The following PTPRD variants were observed in gnomAD, a reference collection of about 807,000 sequenced individuals.
The protein encoded by PTPRD is protein tyrosine phosphatase receptor type D, also known as receptor-type tyrosine-protein phosphatase delta.
A neutral mutation model predicts 214.5 loss-of-function variants in PTPRD; 34 were observed. That is an observed-to-expected ratio of 0.16 (90% CI 0.12 to 0.21). The LOEUF is 0.21. Among genes scored for constraint, PTPRD ranks in the 10% least tolerant of loss-of-function variants. PTPRD has a pLI of 1.00. For missense variants in PTPRD, 2,545 were observed against 2,398.7 expected (o/e 1.06, Z -1.27); for synonymous variants, 1,128 against 845.7 (o/e 1.33, Z -5.79).
intron 5 of PTPRD, among the ~76,000 whole-genome samples, chr9:9,777,092 C>G (rs570156037): frequency 2.0e-5 from 3 of 152,230 alleles, no homozygotes; most frequent in African/African-American, 7.2e-5. Flanking sequence ...AACAGATATG[C>G]TAGTTGTTAT....
At chr9:8,740,719 C>A (rs1457174021) in intron 11 of PTPRD, among the ~76,000 whole-genome samples, 1 of 151,776 alleles carries the variant, frequency 6.6e-6, no homozygotes, top group Non-Finnish European at 1.5e-5. Context: ...TCTGTTTTGC[C>A]CTAAACATGT....
intron 3 of PTPRD, among the ~76,000 whole-genome samples, chr9:10,247,510 T>A (rs887227687): frequency 6.6e-6 from 1 of 152,212 alleles, no homozygotes; most frequent in African/African-American, 2.4e-5. Context: ...ATTACCATAT[T>A]CTCTAAATAC....
intron 3 of PTPRD, among the ~76,000 whole-genome samples, chr9:10,079,975 C>G (rs184522152): frequency 1.2e-4 from 18 of 150,954 alleles, no homozygotes; most frequent in African/African-American, 4.4e-4. Flanking sequence ...AACCCCTTCC[C>G]AACACATGTC....
chr9:9,849,576 T>A (rs890976276), intron 5 of PTPRD, among the ~76,000 whole-genome samples: 36 of 152,086 alleles, frequency 2.4e-4, no homozygotes, highest in African/African-American at 7.5e-4. Flanking sequence ...ATTTCCAGGA[T>A]TAACATAATG....
At chr9:9,275,978 A>AAC (rs532734631) in intron 9 of PTPRD, among the ~76,000 whole-genome samples, 128 of 151,440 alleles carry the variant, frequency 8.5e-4, no homozygotes, top group African/African-American at 2.9e-3. Context: ...TGGAGAAGAG[A>AAC]ACACCTCAAC....
intron 11 of PTPRD, among the ~76,000 whole-genome samples, chr9:8,735,000 T>C (rs76332810): frequency 6.6e-6 from 1 of 152,096 alleles, no homozygotes; most frequent in Non-Finnish European, 1.5e-5. Context: ...TTGGTTGGAA[T>C]AGGGCCTCCC....
chr9:8,566,569 A>G (rs1164843190), intron 14 of PTPRD, among the ~76,000 whole-genome samples: 1 of 152,176 alleles, frequency 6.6e-6, no homozygotes, highest in African/African-American at 2.4e-5. Flanking sequence ...GCAAGAGTTG[A>G]AGGAACAGAT....
At chr9:10,554,427 G>C (rs2062014897) in intron 2 of PTPRD, among the ~76,000 whole-genome samples, 1 of 151,958 alleles carries the variant, frequency 6.6e-6, no homozygotes, top group Non-Finnish European at 1.5e-5. Flanking sequence ...AACATACTTA[G>C]AAACTTTCAG....
intron 2 of PTPRD, among the ~76,000 whole-genome samples, chr9:10,380,845 A>C (rs573815616): frequency 9.2e-5 from 14 of 152,120 alleles, no homozygotes; most frequent in African/African-American, 3.4e-4. Context: ...ATTTGAGTTC[A>C]ATTGTGATTA....
intron 35 of PTPRD, among the ~76,000 whole-genome samples, chr9:8,431,745 G>A (rs911024348): frequency 2.0e-5 from 3 of 152,178 alleles, no homozygotes; most frequent in Non-Finnish European, 4.4e-5. Flanking sequence ...GGATACCACA[G>A]CTGACCTATT....
intron 32 of PTPRD, among the ~76,000 whole-genome samples, chr9:8,463,308 CAAAAAAAAAAA>C (rs71308864): frequency 3.5e-5 from 1 of 28,850 alleles, no homozygotes; most frequent in Non-Finnish European, 8.0e-5. Flanking sequence ...CAGAGGCAGC[CAAAAAAAAAAA>C]AAAAAAAAAA....
At chr9:9,223,107 A>G (rs2099957249) in intron 9 of PTPRD, among the ~76,000 whole-genome samples, 1 of 152,036 alleles carries the variant, frequency 6.6e-6, no homozygotes, top group Non-Finnish European at 1.5e-5. Context: ...GTGATGTGAT[A>G]AAGCACTAAT....
intron 8 of PTPRD, among the ~76,000 whole-genome samples, chr9:9,484,508 T>C (rs1481871555): frequency 6.6e-6 from 1 of 152,146 alleles, no homozygotes; most frequent in East Asian, 1.9e-4. Context: ...ACAGTCAAAT[T>C]GCATTCAAGA....
chr9:10,313,867 G>A (rs1007425634), intron 3 of PTPRD, among the ~76,000 whole-genome samples: 5 of 152,022 alleles, frequency 3.3e-5, no homozygotes, highest in South Asian at 4.1e-4. Context: ...GGGCCATTAC[G>A]ATAGGTGCCA....
At chr9:9,122,177 T>G (rs2154464766) in intron 10 of PTPRD, among the ~76,000 whole-genome samples, 1 of 152,326 alleles carries the variant, frequency 6.6e-6, no homozygotes, top group South Asian at 2.1e-4. Context: ...TACAGTGAAA[T>G]GATGTGTTAC....
chr9:10,125,622 TTGTG>T (rs35164422), intron 3 of PTPRD, among the ~76,000 whole-genome samples: 3,938 of 139,222 alleles, frequency 0.028, 76 homozygotes, highest in African/African-American at 0.047. Context: ...GCTCGGCTAA[TTGTG>T]TGTGTGTGTG....
chr9:8,365,621 A>G (rs995741556), intron 39 of PTPRD, among the ~76,000 whole-genome samples: 4 of 152,176 alleles, frequency 2.6e-5, no homozygotes, highest in African/African-American at 9.7e-5. Flanking sequence ...ACTCAGAGGT[A>G]GAATAAATGA....
intron 12 of PTPRD, among the ~76,000 whole-genome samples, chr9:8,639,443 A>C (rs1359938597): frequency 6.6e-6 from 1 of 152,162 alleles, no homozygotes; most frequent in Non-Finnish European, 1.5e-5. Context: ...AAAACTGTCA[A>C]CCGGGAAGGA....
intron 11 of PTPRD, among the ~76,000 whole-genome samples, chr9:8,845,501 A>G (rs1357100439): frequency 6.6e-6 from 1 of 152,258 alleles, no homozygotes; most frequent in African/African-American, 2.4e-5. Flanking sequence ...ACAAGCCATC[A>G]AATATGCCAG....
Sources: allele counts gnomAD v4.1 joint callset (sites outside exome capture counted in the v4.1 genomes callset), GRCh38; gene constraint gnomAD v4.1.1; transcripts MANE v1.5; gene names NCBI Gene and HGNC (gene_info 2026-07-23, HGNC 2026-07-21).